SLC2A5: variants seen among roughly 807,000 people sequenced by gnomAD.
SLC2A5 encodes solute carrier family 2, facilitated glucose transporter member 5.
SLC2A5 carries 56 observed loss-of-function variants against 50.3 expected under a neutral mutation model. The ratio of observed to expected loss-of-function variants is 1.11; its 90% CI spans 0.90 to 1.39. SLC2A5 has a LOEUF of 1.39. SLC2A5 is among the 40% of genes most tolerant of loss of function. SLC2A5 has a pLI of 0.00. For missense variants in SLC2A5, 566 were observed against 650.1 expected (o/e 0.87, Z 1.41); for synonymous variants, 269 against 281.9 (o/e 0.95, Z 0.46).
At chr1:9,082,468 C>T (rs1642365213) in intron 2 of SLC2A5, among the ~76,000 whole-genome samples, 1 of 152,006 alleles carries the variant, frequency 6.6e-6, no homozygotes, top group African/African-American at 2.4e-5. Context: ...AGTCCCAGCT[C>T]CCCAGGAGGC....
At chr1:9,057,292 TAAAAAAAA>T (rs760221358) in intron 3 of SLC2A5, among the ~76,000 whole-genome samples, 148 bp downstream of exon 3, 2 of 103,440 alleles carry the variant, frequency 1.9e-5, no homozygotes, top group Admixed American at 9.0e-5. Flanking sequence ...TCTCAAAAAT[TAAAAAAAA>T]AAAAAAAAAA....
intron 1 of SLC2A5, among the ~76,000 whole-genome samples, chr1:9,060,106 TACAC>T (rs965812592): frequency 1.2e-4 from 12 of 100,510 alleles, no homozygotes; most frequent in African/African-American, 1.6e-4. Flanking sequence ...ACACACACAA[TACAC>T]ACACACTATA....
upstream of SLC2A5, among the ~76,000 whole-genome samples, chr1:9,073,463 C>G (rs2124466800): frequency 6.6e-6 from 1 of 152,334 alleles, no homozygotes; most frequent in Non-Finnish European, 1.5e-5. Flanking sequence ...TAGATGCCAC[C>G]AGCTTGGGCC....
At chr1:9,084,734 C>A (rs1470026661) in intron 2 of SLC2A5, among the ~76,000 whole-genome samples, 3 of 152,216 alleles carry the variant, frequency 2.0e-5, no homozygotes, top group Non-Finnish European at 2.9e-5. Context: ...ACCATGTGAG[C>A]ATCGGCCACA....
At chr1:9,085,261 G>A (rs887621988) in intron 1 of SLC2A5, 3 of 152,246 alleles carry the variant, frequency 2.0e-5, no homozygotes, top group African/African-American at 7.2e-5. Context: ...ATGTGCCCAA[G>A]GGTACAGCTT....
rs763100361 is a variant in SLC2A5 at position 9,041,940 on chromosome 1, G to T, written c.419-3C>A. ...GGGGACCACGTTGGAAGATACACCT[G>T]GGAGGAGGTGAAATAGAAACACCAT... On this transcript the variant is annotated splice_region_variant and splice_polypyrimidine_tract_variant and intron_variant, in intron 4 of 11. Transcript: ENST00000377424. 5 of 1,583,176 alleles carry T rather than the reference G, an allele frequency of 3.2e-6. No individual in the cohort carries two copies. The highest frequency in any genetic ancestry group is 8.6e-7 in the Non-Finnish European group (1 of 1,165,744).
chr1:9,080,368 A>T (rs563547420), intron 2 of SLC2A5, among the ~76,000 whole-genome samples: 3 of 152,122 alleles, frequency 2.0e-5, no homozygotes, highest in Non-Finnish European at 2.9e-5. Context: ...TCTATTTTTA[A>T]TTTTTTTTAG....
chr1:9,083,613 A>G (rs1642375051), intron 2 of SLC2A5, among the ~76,000 whole-genome samples: 1 of 151,896 alleles, frequency 6.6e-6, no homozygotes, highest in Non-Finnish European at 1.5e-5. Flanking sequence ...ACCCGAGGTC[A>G]GGAGTTCAAG....
In SLC2A5 at chr1:9,039,569, C is replaced by T. The variant is rs192447194; in HGVS notation, c.979G>A (p.Val327Ile). ...ACACTCACGGCGCAGAAGGTCATGACCACGTTCACGGCCCCGGTGCCGGCC... is the reference window on the plus strand; with the variant it reads ...ACACTCACGGCGCAGAAGGTCATGATCACGTTCACGGCCCCGGTGCCGGCC... ...VTAGTGAVNVVMTFCAVFVVE... is the reference protein window; with the variant it reads ...VTAGTGAVNVIMTFCAVFVVE... The change falls in exon 8 of 12, where the codon GTC (valine) becomes ATC (isoleucine). Residue 327 changes from valine to isoleucine, a missense_variant. Coordinates refer to ENST00000377424, the MANE Select transcript of SLC2A5 (RefSeq NM_003039.3). 28 of 1,574,306 alleles carry T rather than the reference C, an allele frequency of 1.8e-5. No individual in the cohort carries two copies. In the Admixed American group the frequency reaches 4.0e-4, roughly 22 times the overall value.
At chr1:9,053,082 A>AATATATTATATTT (rs1641623804) in intron 3 of SLC2A5, among the ~76,000 whole-genome samples, 1 of 115,706 alleles carries the variant, frequency 8.6e-6, no homozygotes, top group African/African-American at 3.4e-5. Context: ...TTTATATATT[A>AATATATTATATTT]ATATATAATA....
At position 9,039,003 on chromosome 1, in the gene SLC2A5, C is replaced by G. The variant is rs1641218154; in HGVS notation, c.997-74G>C. The G allele has an allele frequency of 1.9e-6, 3 of 1,541,578 alleles. No individual in the cohort carries two copies. In the Admixed American group the frequency reaches 5.8e-5, roughly 30 times the overall value. The stretch of plus-strand genomic sequence containing the variant: ...CCTCCAGCCCCCTCCAATGGGGCAG[C>G]TGTGAGGAGAGCTGGGCGGACCGGG... On this transcript the variant is annotated intron_variant, in intron 8 of 11. Transcript: ENST00000377424.
At chr1:9,070,728 A>G, upstream of SLC2A5, among the ~76,000 whole-genome samples, 1 of 152,076 alleles carries the variant, frequency 6.6e-6, no homozygotes, top group Middle Eastern at 3.2e-3. Flanking sequence ...TGCATCTTTA[A>G]ACAAGCAGAG....
intron 2 of SLC2A5, among the ~76,000 whole-genome samples, chr1:9,079,969 C>T (rs997864312): frequency 6.6e-5 from 10 of 152,166 alleles, no homozygotes; most frequent in African/African-American, 1.7e-4. Flanking sequence ...CCCCATTTTC[C>T]CTCCCCAAAG....
In SLC2A5 at chr1:9,040,281, TG is replaced by T. The variant is rs1460851537; in HGVS notation, c.572-93del. The T allele has an allele frequency of 1.4e-6, 2 of 1,446,810 alleles. No individual in the cohort carries two copies. The highest frequency in any genetic ancestry group is 1.8e-6 in the Non-Finnish European group (2 of 1,086,952). The allele number at this position is 1,446,810 out of a possible 1,614,324, so 89.6% of individuals were successfully genotyped here. ...CCGGCCCCAGCCCCGTCATCCTGAG[TG>T]GGGTGCAGGCTCCAGGAGGGCACAG... is the stretch of plus-strand genomic sequence containing the variant. On this transcript the variant is annotated intron_variant, in intron 5 of 11. Coordinates refer to ENST00000377424, the MANE Select transcript of SLC2A5 (RefSeq NM_003039.3). This position sits in a 1 kb window ranked among gnomAD's most constrained non-coding sequence, Gnocchi z 4.3.
chr1:9,081,917 A>G (rs1440783718), intron 2 of SLC2A5, among the ~76,000 whole-genome samples: 7 of 152,150 alleles, frequency 4.6e-5, no homozygotes, highest in Non-Finnish European at 4.4e-5. Flanking sequence ...CCCCACCTCT[A>G]CTAAAAATAC....
At chr1:9,039,389 G>T (rs985169335) in intron 8 of SLC2A5, among the ~76,000 whole-genome samples, 163 bp downstream of exon 8, 1 of 152,208 alleles carries the variant, frequency 6.6e-6, no homozygotes, top group Non-Finnish European at 1.5e-5. Flanking sequence ...AGCCCCAAGT[G>T]TGAGGGGCTG....
intron 4 of SLC2A5, among the ~76,000 whole-genome samples, chr1:9,045,237 A>C (rs1641406781): frequency 6.6e-6 from 1 of 152,184 alleles, no homozygotes; most frequent in Admixed American, 6.5e-5. Context: ...GCCACTCTTC[A>C]TGTAATAGGC....
intron 3 of SLC2A5, among the ~76,000 whole-genome samples, chr1:9,050,109 T>TA (rs1260951375): frequency 6.6e-6 from 1 of 151,458 alleles, no homozygotes; most frequent in Non-Finnish European, 1.5e-5. Context: ...CCACCTCTAC[T>TA]AAAAATACAA....
chr1:9,048,009 T>C (rs1266241202), intron 3 of SLC2A5, among the ~76,000 whole-genome samples: 1 of 151,878 alleles, frequency 6.6e-6, no homozygotes, highest in Non-Finnish European at 1.5e-5. Context: ...TAGTAAAGGG[T>C]TTTTGAAATC....
Sources: gnomAD v4.1 joint callset for allele counts (sites outside exome capture counted in the v4.1 genomes callset) on GRCh38, gnomAD v4.1.1 for gene constraint, Gnocchi (gnomAD v3.1) non-coding constraint, MANE v1.5 for transcripts, NCBI Gene and HGNC (gene_info 2026-07-23, HGNC 2026-07-21) for gene names.